The following CBFA2T3 variants were observed in gnomAD, a reference collection of about 807,000 sequenced individuals.
The protein encoded by CBFA2T3 is CBFA2/RUNX1 partner transcriptional co-repressor 3.
CBFA2T3 carries 31 observed loss-of-function variants against 58.6 expected under a neutral mutation model. That is an observed-to-expected ratio of 0.53 (90% CI 0.40 to 0.71). The LOEUF is 0.71. Ranked by LOEUF, CBFA2T3 falls within the 30% of genes least tolerant of loss-of-function variation. CBFA2T3 has a pLI of 0.00. For synonymous variants in CBFA2T3, 531 were observed against 421.9 expected (o/e 1.26, Z -3.17); for missense variants, 1,076 against 963.1 (o/e 1.12, Z -1.55).
intron 2 of CBFA2T3, among the ~76,000 whole-genome samples, chr16:88,900,007 C>T (rs1474242382): frequency 2.0e-5 from 3 of 152,208 alleles, no homozygotes; most frequent in African/African-American, 7.2e-5. Context: ...GCCACATCGC[C>T]GTGTGACAAG....
rs1235984591 is a variant in CBFA2T3 at position 88,953,954 on chromosome 16, G to T, written c.151+22703C>A. Among the ~76,000 whole-genome samples the T allele has an allele frequency of 6.6e-6, 1 of 152,094 alleles. No homozygotes were observed. Among genetic ancestry groups the T allele is most frequent in the African/African-American group, 2.4e-5 (1 of 41,400 alleles). Reference sequence around the variant, plus strand: ...GTGCTCCTGCCCTGGGCAAATGAGGGCAGGCGGCCTCTAACAGCTGACACC... The same window carrying T: ...GTGCTCCTGCCCTGGGCAAATGAGGTCAGGCGGCCTCTAACAGCTGACACC... On this transcript the variant is annotated intron_variant, in intron 1 of 11. Coordinates refer to ENST00000268679, the MANE Select transcript of CBFA2T3 (RefSeq NM_005187.6). This position sits in a 1 kb window ranked among gnomAD's most constrained non-coding sequence, Gnocchi z 4.9.
At chr16:88,902,153 T>C (rs1328328292) in intron 1 of CBFA2T3, among the ~76,000 whole-genome samples, 1 of 152,218 alleles carries the variant, frequency 6.6e-6, no homozygotes, top group Non-Finnish European at 1.5e-5. Flanking sequence ...GCCATGGTTC[T>C]AAGAGTCCCT....
intron 11 of CBFA2T3, 107 bp from the exon 12 acceptor site, chr16:88,877,382 A>G: frequency 1.1e-6 from 1 of 906,698 alleles, no homozygotes; most frequent in South Asian, 1.7e-5. Flanking sequence ...ACCAGGTGAG[A>G]AGAGAGAAAC....
At chr16:88,904,891 G>A (rs9923835) in intron 1 of CBFA2T3, among the ~76,000 whole-genome samples, 3,131 of 152,246 alleles carry the variant, frequency 0.021, 109 homozygotes, top group African/African-American at 0.072. Context: ...AAGATGACGC[G>A]GAGTTCCCCA....
chr16:88,877,336 G>A lies in CBFA2T3; in HGVS notation c.1663-61C>T, dbSNP rs942945424. On this transcript the variant is annotated intron_variant, in intron 11 of 11. Coordinates refer to ENST00000268679, the MANE Select transcript of CBFA2T3 (RefSeq NM_005187.6). ...CTGGCCACCCGAATCCCCAACACAC[G>A]CCTCAACCAAGCCATTCAGACCCAG... 9.6e-5 allele frequency: 133 copies of A among 1,389,148 alleles called. No homozygotes were observed. The Middle Eastern group carries it at 1.5e-3, about 15-fold the overall frequency. 86.1% of individuals were successfully genotyped at this position (1,389,148 alleles called of 1,614,324 possible).
intron 5 of CBFA2T3, among the ~76,000 whole-genome samples, chr16:88,887,839 C>T (rs1969443318): frequency 1.3e-5 from 2 of 152,166 alleles, no homozygotes; most frequent in Admixed American, 6.5e-5. Flanking sequence ...CTGCCCTCTG[C>T]ACAGATGGGC....
At chr16:88,952,556 C>G (rs868351191) in intron 1 of CBFA2T3, among the ~76,000 whole-genome samples, 1 of 152,178 alleles carries the variant, frequency 6.6e-6, no homozygotes, top group Non-Finnish European at 1.5e-5. Flanking sequence ...GAGATAAAGT[C>G]TCAGCTCCTG....
At chr16:88,883,077 G>A (rs1365898209) in intron 7 of CBFA2T3, among the ~76,000 whole-genome samples, 1 of 152,254 alleles carries the variant, frequency 6.6e-6, no homozygotes, top group East Asian at 1.9e-4. Flanking sequence ...GTGGTCACCA[G>A]GCAGGGAGCG....
At position 88,954,362 on chromosome 16, in the gene CBFA2T3, C is replaced by T. The variant is rs945998155; in HGVS notation, c.151+22295G>A. Among the ~76,000 whole-genome samples, 715 of 135,896 alleles carry T rather than the reference C, an allele frequency of 5.3e-3. 12 individuals are homozygous for T. The highest frequency in any genetic ancestry group is 0.021 in the African/African-American group (681 of 31,990). 89.2% of individuals were successfully genotyped at this position (135,896 alleles called of 152,430 possible). A position where few individuals can be genotyped will look rare whatever the true frequency, so the allele number is the denominator to read the frequency against. ...ACCCCAGCCAAGGCTCCTGACCTCA[C>T]CCAAGGCTCCTGACCCCACCCAAGA... is the stretch of plus-strand genomic sequence containing the variant. On this transcript the variant is annotated intron_variant, in intron 1 of 11. Coordinates refer to ENST00000268679, the MANE Select transcript of CBFA2T3 (RefSeq NM_005187.6).
chr16:88,941,035 G>A, intron 1 of CBFA2T3: 1 of 985,390 alleles, frequency 1.0e-6, no homozygotes, highest in Non-Finnish European at 1.2e-6. Context: ...GGGGGTCCGG[G>A]GGATCCGGCG....
At chr16:88,975,167 CT>C (rs1972800397) in intron 1 of CBFA2T3, among the ~76,000 whole-genome samples, 1 of 62,630 alleles carries the variant, frequency 1.6e-5, no homozygotes. Flanking sequence ...CACCCTGACC[CT>C]CTCTGCTCCA....
chr16:88,893,080 G>C (rs905561116), intron 3 of CBFA2T3, among the ~76,000 whole-genome samples: 1 of 152,144 alleles, frequency 6.6e-6, no homozygotes, highest in African/African-American at 2.4e-5. Context: ...TGGAAAATGA[G>C]AAGTCGCTCA....
chr16:88,882,603 T>G lies in CBFA2T3; in HGVS notation c.1203+73A>C, dbSNP rs111494487. On this transcript the variant is annotated intron_variant, in intron 8 of 11. Coordinates refer to ENST00000268679, the MANE Select transcript of CBFA2T3 (RefSeq NM_005187.6). ...GTGGCTGTGTGTGCATGGCTGTGTG[T>G]GCGTGGCTGTGTGTGTGCGTGGCTG... 2.3e-3 allele frequency: 2,019 copies of G among 883,664 alleles called. 32 individuals are homozygous for G. In the African/African-American group the frequency reaches 0.031, roughly 14 times the overall value. The allele number at this position is 883,664 out of a possible 1,614,324, so 54.7% of individuals were successfully genotyped here.
intron 8 of CBFA2T3, among the ~76,000 whole-genome samples, 164 bp downstream of exon 8, chr16:88,882,512 T>C (rs1969146968): frequency 7.0e-6 from 1 of 142,672 alleles, no homozygotes; most frequent in East Asian, 2.0e-4. Flanking sequence ...TGTGGCTGTG[T>C]GGGCGTGGCT....
chr16:88,919,011 T>C (rs1377758524), intron 1 of CBFA2T3, among the ~76,000 whole-genome samples: 5 of 152,360 alleles, frequency 3.3e-5, no homozygotes, highest in South Asian at 2.1e-4. Flanking sequence ...AAGAAATCAA[T>C]GTACTTTATG....
intron 1 of CBFA2T3, among the ~76,000 whole-genome samples, chr16:88,968,713 C>T (rs944693364): frequency 1.3e-5 from 2 of 152,196 alleles, no homozygotes; most frequent in South Asian, 2.1e-4. Flanking sequence ...CTGCAGGCCC[C>T]CTTGGGAATA....
intron 1 of CBFA2T3, among the ~76,000 whole-genome samples, chr16:88,922,333 A>G (rs1336924340): frequency 2.6e-5 from 4 of 152,258 alleles, no homozygotes; most frequent in Non-Finnish European, 4.4e-5. Flanking sequence ...CCTGTCCAGC[A>G]GCAGGGCCTA....
chr16:88,922,759 G>A (rs1489224401), intron 1 of CBFA2T3, among the ~76,000 whole-genome samples: 1 of 152,238 alleles, frequency 6.6e-6, no homozygotes, highest in East Asian at 1.9e-4. Flanking sequence ...TCCCGACCTC[G>A]GAGACGGTGA....
rs139170014 is a variant in CBFA2T3, at chr16:88,890,653, C to T, written c.711+1229G>A. On this transcript the variant is annotated intron_variant, in intron 5 of 11. Coordinates refer to ENST00000268679, the MANE Select transcript of CBFA2T3 (RefSeq NM_005187.6). ...TCTGACTCCACGGCACTCCCGTGCC[C>T]GTCCCGTCTGTGTGTGCGTGGGAAT... is the stretch of plus-strand genomic sequence containing the variant. Among the ~76,000 whole-genome samples the T allele has an allele frequency of 8.9e-4, 135 of 152,356 alleles. 3 individuals carry two copies. In the East Asian group the frequency reaches 0.013, roughly 15 times the overall value.
Sources: allele counts gnomAD v4.1 joint callset (sites outside exome capture counted in the v4.1 genomes callset), GRCh38; gene constraint gnomAD v4.1.1; non-coding constraint Gnocchi (gnomAD v3.1); transcripts MANE v1.5; gene names NCBI Gene and HGNC (gene_info 2026-07-23, HGNC 2026-07-21).